Variants in VRK2 observed in about 807,000 individuals in gnomAD.
VRK2 encodes VRK serine/threonine kinase 2, also known as serine/threonine-protein kinase VRK2.
Under a neutral mutation model 57.6 loss-of-function variants are expected in VRK2, and 60 were observed. That is an observed-to-expected ratio of 1.04 (90% CI 0.85 to 1.29). VRK2 has a LOEUF of 1.29. Among genes scored for constraint, VRK2 ranks in the 50% most tolerant of loss-of-function variants. The pLI is 0.00. For missense variants in VRK2, 705 were observed against 588.1 expected, an observed-to-expected ratio of 1.20 and a Z score of -2.06; for synonymous variants, 231 against 199.2, an observed-to-expected ratio of 1.16 and a Z score of -1.35.
chr2:58,085,461 A>G (rs1212968161), intron 4 of VRK2, among the ~76,000 whole-genome samples: 1 of 151,980 alleles, frequency 6.6e-6, no homozygotes, highest in East Asian at 1.9e-4. Context: ...TACCAAGTGT[A>G]AGAATGACCA....
At chr2:58,102,213 G>T (rs947263034) in intron 7 of VRK2, among the ~76,000 whole-genome samples, 2 of 151,426 alleles carry the variant, frequency 1.3e-5, no homozygotes, top group African/African-American at 4.8e-5. Context: ...CTCAAAAGCT[G>T]TTAAAGCATC....
At chr2:58,086,645 G>T (rs1413166413) in intron 5 of VRK2, among the ~76,000 whole-genome samples, 2 of 152,130 alleles carry the variant, frequency 1.3e-5, no homozygotes, top group Non-Finnish European at 2.9e-5. Context: ...TGTCTGCTGG[G>T]TTACATTCAT....
At chr2:58,005,665 G>C (rs554272816) in intron 1 of VRK2, among the ~76,000 whole-genome samples, 1 of 152,112 alleles carries the variant, frequency 6.6e-6, no homozygotes, top group African/African-American at 2.4e-5. Context: ...ATTATTGAGA[G>C]GGTCAGTAAA....
chr2:58,102,380 A>G (rs1055685509), intron 7 of VRK2, among the ~76,000 whole-genome samples: 9 of 151,348 alleles, frequency 5.9e-5, no homozygotes, highest in Non-Finnish European at 1.2e-4. Flanking sequence ...AAAGACACTT[A>G]TAGATTGAAG....
At chr2:58,122,152 A>G (rs1296847138) in intron 7 of VRK2, among the ~76,000 whole-genome samples, 1 of 152,204 alleles carries the variant, frequency 6.6e-6, no homozygotes, top group African/African-American at 2.4e-5. Flanking sequence ...CAGATAAAAT[A>G]GTGGTGTTTC....
intron 8 of VRK2, among the ~76,000 whole-genome samples, chr2:58,129,920 G>A (rs7588018): frequency 5.6e-4 from 85 of 152,046 alleles, no homozygotes; most frequent in Non-Finnish European, 1.0e-3. Context: ...TATTAATACC[G>A]ATGTGCAAAA....
intron 3 of VRK2, 39 bp downstream of exon 3, chr2:58,084,177 G>A (rs373910355): frequency 9.0e-6 from 14 of 1,555,148 alleles, no homozygotes; most frequent in Non-Finnish European, 1.2e-5. Context: ...ACATATATTT[G>A]ACTTTTTCCT....
At chr2:57,927,100 A>G (rs1187408304) in intron 1 of VRK2, among the ~76,000 whole-genome samples, 1 of 151,316 alleles carries the variant, frequency 6.6e-6, no homozygotes, top group Non-Finnish European at 1.5e-5. Flanking sequence ...TTTTAAATGG[A>G]TGACAACTAA....
At chr2:58,123,978 T>C (rs901886987) in intron 8 of VRK2, among the ~76,000 whole-genome samples, 20 of 152,296 alleles carry the variant, frequency 1.3e-4, no homozygotes, top group African/African-American at 4.6e-4. Context: ...AAAGTGTTAA[T>C]TTGTGGAAAT....
chr2:57,918,762 G>A (rs1670237117), intron 1 of VRK2, among the ~76,000 whole-genome samples: 1 of 152,114 alleles, frequency 6.6e-6, no homozygotes, highest in Admixed American at 6.6e-5. Flanking sequence ...ATTGAGTTAA[G>A]TAATCCAAAG....
intron 1 of VRK2, among the ~76,000 whole-genome samples, chr2:57,942,826 G>A (rs1317320060): frequency 1.3e-5 from 2 of 152,128 alleles, no homozygotes; most frequent in African/African-American, 2.4e-5. Flanking sequence ...ACAGTCAACC[G>A]ATGCAGAATG....
At chr2:57,928,017 G>T (rs1670597434) in intron 1 of VRK2, among the ~76,000 whole-genome samples, 1 of 151,914 alleles carries the variant, frequency 6.6e-6, no homozygotes, top group Non-Finnish European at 1.5e-5. Flanking sequence ...TCTTCTTTGG[G>T]TTAAATCTCC....
At chr2:58,146,624 T>C (rs1041347409) in intron 12 of VRK2, 150 bp downstream of exon 12, 78 of 925,226 alleles carry the variant, frequency 8.4e-5, no homozygotes, top group Non-Finnish European at 1.1e-4. Flanking sequence ...AGCCAGCTGA[T>C]AAAATTAAAG....
chr2:58,120,951 C>T (rs1193719525), intron 7 of VRK2, among the ~76,000 whole-genome samples: 3 of 152,234 alleles, frequency 2.0e-5, no homozygotes, highest in Non-Finnish European at 4.4e-5. Flanking sequence ...TTCAAACTCT[C>T]ATCTATATTG....
At chr2:58,080,911 A>C (rs1670771889) in intron 2 of VRK2, among the ~76,000 whole-genome samples, 1 of 151,926 alleles carries the variant, frequency 6.6e-6, no homozygotes, top group African/African-American at 2.4e-5. Context: ...TAGATGCTTA[A>C]AAAATTCAGA....
At chr2:58,143,961 A>G (rs1480187776) in intron 11 of VRK2, among the ~76,000 whole-genome samples, 1 of 151,510 alleles carries the variant, frequency 6.6e-6, no homozygotes, top group Non-Finnish European at 1.5e-5. Flanking sequence ...ATATATGTAT[A>G]TACATATATA....
Position 58,084,942 on chromosome 2 carries a change from A to G in VRK2, c.248A>G (p.Lys83Arg). ...ELKFYQRVAK[K>R]DCIKKWIERK... is the part of the protein sequence containing the mutation. ...AAATTTTATCAGAGAGTTGCAAAAA[A>G]AGACTGTAGTAAGTAAAATTAGCAA... The change falls in exon 4 of 13, where the codon AAA (lysine) becomes AGA (arginine). Residue 83 changes from lysine (K) to arginine (R), a missense_variant. Transcript: ENST00000340157. The G allele has an allele frequency of 6.3e-7, 1 of 1,587,162 alleles. No homozygotes were observed. Among genetic ancestry groups the G allele is most frequent in the Non-Finnish European group, 8.6e-7 (1 of 1,166,820 alleles).
chr2:58,074,046 A>G (rs567713052), intron 2 of VRK2, among the ~76,000 whole-genome samples: 5 of 152,218 alleles, frequency 3.3e-5, no homozygotes, highest in South Asian at 2.1e-4. Context: ...CTTCAATCCA[A>G]TCAAGGTGAC....
rs184877021 is a variant in VRK2 at position 57,941,822 on chromosome 2, A to C, written c.-439+33983A>C. Reference sequence around the variant, plus strand: ...CATTAGTGACACTTGAAATGTACTCACAGGATACCATATCCCCAAGAGTGT... The same window carrying C: ...CATTAGTGACACTTGAAATGTACTCCCAGGATACCATATCCCCAAGAGTGT... On this transcript the variant is annotated intron_variant, in intron 1 of 15. Transcript: ENST00000417641. Among the ~76,000 whole-genome samples the C allele has an allele frequency of 5.9e-5, 9 of 152,348 alleles. No homozygotes were observed. In the East Asian group the frequency reaches 1.7e-3, roughly 29 times the overall value.
Sources: gnomAD v4.1 joint callset for allele counts (sites outside exome capture counted in the v4.1 genomes callset) on GRCh38, gnomAD v4.1.1 for gene constraint, MANE v1.5 for transcripts, NCBI Gene and HGNC (gene_info 2026-07-23, HGNC 2026-07-21) for gene names.